Variants in RTN4RL1 observed in about 807,000 individuals in gnomAD.
RTN4RL1 encodes the protein reticulon 4 receptor like 1.
A neutral mutation model predicts 25.6 loss-of-function variants in RTN4RL1; 7 were observed. The observed-to-expected ratio is 0.27, with a 90% CI of 0.16 to 0.51. The LOEUF (loss-of-function observed/expected upper bound fraction) is 0.51. RTN4RL1 is among the 20% of genes least tolerant of loss of function. RTN4RL1 has a pLI of 0.97. For missense variants in RTN4RL1, 500 were observed against 615.6 expected (o/e 0.81, Z 1.99); for synonymous variants, 297 against 288.2 (o/e 1.03, Z -0.31).
intron 1 of RTN4RL1, among the ~76,000 whole-genome samples, chr17:2,012,074 G>A (rs914100092): frequency 2.6e-5 from 4 of 152,306 alleles, no homozygotes; most frequent in South Asian, 2.1e-4. Flanking sequence ...CACCACCCGA[G>A]CTCAGCTTCC....
At chr17:2,021,506 T>G (rs1184218880) in intron 1 of RTN4RL1, among the ~76,000 whole-genome samples, 1 of 152,068 alleles carries the variant, frequency 6.6e-6, no homozygotes, top group East Asian at 1.9e-4. Context: ...GCTCTGCATA[T>G]TATAGGCAAG....
chr17:2,008,371 T>C (rs766955530), intron 1 of RTN4RL1, among the ~76,000 whole-genome samples: 3 of 151,058 alleles, frequency 2.0e-5, no homozygotes, highest in Non-Finnish European at 3.0e-5. Context: ...ATTACCAACA[T>C]AGAAAGGTGT....
At chr17:1,967,305 C>T (rs1485953659) in intron 1 of RTN4RL1, among the ~76,000 whole-genome samples, 1 of 152,210 alleles carries the variant, frequency 6.6e-6, no homozygotes, top group Non-Finnish European at 1.5e-5. Flanking sequence ...CCACCTGCAG[C>T]ATGGATTCCG....
At chr17:1,954,577 G>T (rs1024394779) in intron 1 of RTN4RL1, among the ~76,000 whole-genome samples, 2 of 151,786 alleles carry the variant, frequency 1.3e-5, no homozygotes, top group East Asian at 3.9e-4. Context: ...TAGTAGAGAC[G>T]GGGTTTCACC....
In RTN4RL1 at chr17:2,001,927, T is replaced by TGGGGGGGGG. The variant is rs1555520650; in HGVS notation, c.13+22925_13+22926insCCCCCCCCC. Among the ~76,000 whole-genome samples, 24 of 146,268 alleles carry TGGGGGGGGG rather than the reference T, an allele frequency of 1.6e-4. No homozygotes were observed. The South Asian group carries it at 1.7e-3, about 11-fold the overall frequency. ...CTGAGGGGCCTCTTCACTTCAGCCC[T>TGGGGGGGGG]GGGGGAGGGGAGGGGAGGGAGTGGG... On this transcript the variant is annotated intron_variant, in intron 1 of 1. Transcript: ENST00000331238.
chr17:1,999,687 C>A, intron 1 of RTN4RL1, among the ~76,000 whole-genome samples: 1 of 151,454 alleles, frequency 6.6e-6, no homozygotes, highest in East Asian at 1.9e-4. Flanking sequence ...CCCCCACACA[C>A]ACACGCACAG....
intron 1 of RTN4RL1, among the ~76,000 whole-genome samples, chr17:1,938,051 T>C (rs1159299194): frequency 6.6e-6 from 1 of 152,058 alleles, no homozygotes; most frequent in Non-Finnish European, 1.5e-5. Flanking sequence ...AAGGCCCCAA[T>C]CACCCCCACA....
intron 1 of RTN4RL1, among the ~76,000 whole-genome samples, chr17:1,966,261 A>C (rs895451907): frequency 2.0e-5 from 3 of 152,136 alleles, no homozygotes; most frequent in Non-Finnish European, 2.9e-5. Flanking sequence ...AAAGGGTCCA[A>C]ATGGGGATGT....
In RTN4RL1 at chr17:1,972,519, T is replaced by C. The variant is rs1012147427; in HGVS notation, c.14-34711A>G. ...CCTTCAGCCTGGCCACCCTTGACCC[T>C]TCCCGCTTTGCGGCCCCTCCCCTGC... On this transcript the variant is annotated intron_variant, in intron 1 of 1. Coordinates refer to ENST00000331238, the MANE Select transcript of RTN4RL1 (RefSeq NM_178568.4). 2.6e-5 allele frequency among the ~76,000 whole-genome samples: 4 copies of C among 151,936 alleles called. No individual in the cohort carries two copies. In the South Asian group the frequency reaches 6.2e-4, roughly 24 times the overall value.
At chr17:1,988,713 G>A in intron 1 of RTN4RL1, among the ~76,000 whole-genome samples, 1 of 152,052 alleles carries the variant, frequency 6.6e-6, no homozygotes, top group East Asian at 1.9e-4. Flanking sequence ...TATAACTGGG[G>A]GACCTGACCT....
chr17:1,938,123 C>G (rs1229423777), intron 1 of RTN4RL1, among the ~76,000 whole-genome samples: 6 of 152,134 alleles, frequency 3.9e-5, no homozygotes. Context: ...CTCTGTCACA[C>G]TGCTGGGGTG....
intron 1 of RTN4RL1, among the ~76,000 whole-genome samples, chr17:1,947,896 G>A (rs192283588): frequency 2.8e-4 from 42 of 152,314 alleles, no homozygotes; most frequent in African/African-American, 8.9e-4. Flanking sequence ...TGGGAACTGC[G>A]GGTCAGAGCG....
intron 1 of RTN4RL1, among the ~76,000 whole-genome samples, chr17:1,953,521 G>A (rs937185032): frequency 1.3e-5 from 2 of 151,976 alleles, no homozygotes; most frequent in Non-Finnish European, 2.9e-5. Flanking sequence ...CCTGCACGTT[G>A]TGCACATGTT....
intron 1 of RTN4RL1, among the ~76,000 whole-genome samples, chr17:1,954,383 C>CTTTTTTTTTTTTTTTTTT (rs55654151): frequency 8.0e-6 from 1 of 124,356 alleles, no homozygotes; most frequent in Non-Finnish European, 1.6e-5. Context: ...TGCTTCCTTC[C>CTTTTTTTTTTTTTTTTTT]TTTTTTTTTT....
At chr17:1,956,327 C>A (rs1379560391) in intron 1 of RTN4RL1, among the ~76,000 whole-genome samples, 4 of 151,872 alleles carry the variant, frequency 2.6e-5, no homozygotes, top group Admixed American at 2.0e-4. Context: ...ATGAGAACTG[C>A]GGGGTTTCCC....
chr17:1,957,400 G>T (rs1296639600), intron 1 of RTN4RL1, among the ~76,000 whole-genome samples: 1 of 152,212 alleles, frequency 6.6e-6, no homozygotes, highest in African/African-American at 2.4e-5. Flanking sequence ...GGAAGGGAAG[G>T]GGGTTAACAT....
At chr17:1,990,898 G>A (rs2066905666) in intron 1 of RTN4RL1, among the ~76,000 whole-genome samples, 2 of 152,102 alleles carry the variant, frequency 1.3e-5, no homozygotes, top group African/African-American at 2.4e-5. Context: ...GAGAGGAGAC[G>A]GTGTGCACAC....
At chr17:1,954,062 G>A (rs1915738481) in intron 1 of RTN4RL1, among the ~76,000 whole-genome samples, 1 of 152,200 alleles carries the variant, frequency 6.6e-6, no homozygotes, top group Non-Finnish European at 1.5e-5. Context: ...CAGTGATCTT[G>A]TTAAGCCAAT....
intron 1 of RTN4RL1, among the ~76,000 whole-genome samples, chr17:1,990,793 C>CTT (rs1407722111): frequency 6.6e-6 from 1 of 152,226 alleles, no homozygotes; most frequent in Non-Finnish European, 1.5e-5. Flanking sequence ...TACAGATGCG[C>CTT]TTCTGAGTCA....
Sources: gnomAD v4.1 joint callset for allele counts (sites outside exome capture counted in the v4.1 genomes callset) on GRCh38, gnomAD v4.1.1 for gene constraint, MANE v1.5 for transcripts, NCBI Gene and HGNC (gene_info 2026-07-23, HGNC 2026-07-21) for gene names.